QRFPR: variants seen among roughly 807,000 people sequenced by gnomAD.
QRFPR encodes the protein pyroglutamylated RFamide peptide receptor, also known as pyroglutamylated RF-amide peptide receptor.
In QRFPR, 37 loss-of-function variants were observed where a neutral mutation model predicts 31.3. That is an observed-to-expected ratio of 1.18 (90% CI 0.91 to 1.56). The LOEUF (loss-of-function observed/expected upper bound fraction) is 1.56. Ranked by LOEUF, QRFPR falls within the 40% of genes most tolerant of loss-of-function variation. QRFPR has a pLI of 0.00. For missense variants in QRFPR, 542 were observed against 532.5 expected (o/e 1.02, Z -0.18); for synonymous variants, 197 against 192.0 (o/e 1.03, Z -0.22).
chr4:121,342,057 TGAATCAGTAGAA>T (rs1725553324), intron 1 of QRFPR, among the ~76,000 whole-genome samples: 1 of 152,220 alleles, frequency 6.6e-6, no homozygotes, highest in African/African-American at 2.4e-5. Flanking sequence ...GATGAGCATT[TGAATCAGTAGAA>T]GACAGGAGAA....
intron 4 of QRFPR, among the ~76,000 whole-genome samples, chr4:121,330,838 C>T (rs150198252): frequency 8.5e-5 from 13 of 152,096 alleles, no homozygotes; most frequent in Admixed American, 7.2e-4. Context: ...AATTAATTTG[C>T]GAAGTTAGAT....
chr4:121,375,311 C>T (rs1726329508), intron 1 of QRFPR, among the ~76,000 whole-genome samples: 1 of 152,312 alleles, frequency 6.6e-6, no homozygotes, highest in Non-Finnish European at 1.5e-5. Context: ...AATACTTGCA[C>T]TGTGTGCTCT....
intron 1 of QRFPR, among the ~76,000 whole-genome samples, chr4:121,365,584 TATATA>T (rs1726102892): frequency 6.5e-4 from 2 of 3,064 alleles, no homozygotes; most frequent in Admixed American, 0.017. Flanking sequence ...ATATATATTA[TATATA>T]TTATATATAT....
rs530067132 is a variant in QRFPR at position 121,358,140 on chromosome 4, TA to T, written c.341-17531del. Reference sequence around the variant, plus strand: ...TTTTTAAAAAAGCAAAAATCTGGGTTAAAGTTGATTGTGAGATGACAAAAGA... The same window carrying T: ...TTTTTAAAAAAGCAAAAATCTGGGTTAAGTTGATTGTGAGATGACAAAAGA... On this transcript the variant is annotated intron_variant, in intron 1 of 5. Coordinates refer to ENST00000394427, the MANE Select transcript of QRFPR (RefSeq NM_198179.3). 4.4e-4 allele frequency among the ~76,000 whole-genome samples: 67 copies of T among 152,322 alleles called. No homozygotes were observed. In the East Asian group the frequency reaches 0.012, roughly 28 times the overall value.
chr4:121,357,493 T>C (rs902920435), intron 1 of QRFPR, among the ~76,000 whole-genome samples: 8 of 152,130 alleles, frequency 5.3e-5, no homozygotes, highest in African/African-American at 1.9e-4. Flanking sequence ...TAACTACCAG[T>C]TACATTTTCA....
In QRFPR at chr4:121,365,599, TATAATA is replaced by T. The variant is rs1332085668; in HGVS notation, c.340+14703_340+14708del. On this transcript the variant is annotated intron_variant, in intron 1 of 5. Coordinates refer to ENST00000394427, the MANE Select transcript of QRFPR (RefSeq NM_198179.3). ...ATATATATTATATATATTATATATA[TATAATA>T]TATATATTATATATATTATATATTA... Among the ~76,000 whole-genome samples the T allele has an allele frequency of 8.9e-3, 68 of 7,652 alleles. 2 individuals carry two copies. Among genetic ancestry groups the T allele is most frequent in the African/African-American group, 0.011 (18 of 1,632 alleles). The allele number at this position is 7,652 out of a possible 152,430, so 5.0% of individuals were successfully genotyped here. A position where few individuals can be genotyped will look rare whatever the true frequency, so the allele number is the denominator to read the frequency against.
At chr4:121,375,575 A>T (rs1054728056) in intron 1 of QRFPR, among the ~76,000 whole-genome samples, 2 of 152,240 alleles carry the variant, frequency 1.3e-5, no homozygotes, top group Admixed American at 1.3e-4. Flanking sequence ...CTGGTAATAT[A>T]TTCATGTGTA....
chr4:121,369,849 T>C, intron 1 of QRFPR: 1 of 950,208 alleles, frequency 1.1e-6, no homozygotes, highest in Non-Finnish European at 1.7e-6. Flanking sequence ...GCAGGTGGCC[T>C]CTCTTCTTTT....
chr4:121,350,989 T>C (rs1725751347), intron 1 of QRFPR, among the ~76,000 whole-genome samples: 1 of 152,228 alleles, frequency 6.6e-6, no homozygotes, highest in African/African-American at 2.4e-5. Flanking sequence ...TCCTTTATTC[T>C]TGGGCTTAAT....
intron 1 of QRFPR, among the ~76,000 whole-genome samples, chr4:121,376,786 C>G (rs1207848579): frequency 1.3e-5 from 2 of 152,182 alleles, no homozygotes; most frequent in East Asian, 3.9e-4. Flanking sequence ...AGGAGATTCT[C>G]TGTGTAGCCA....
chr4:121,331,182 T>G (rs1725316176), intron 4 of QRFPR, among the ~76,000 whole-genome samples: 2 of 136,240 alleles, frequency 1.5e-5, no homozygotes, highest in Non-Finnish European at 3.2e-5. Context: ...TGGGTTTTTT[T>G]TTTTTTTTTT....
chr4:121,377,947 G>A (rs1290547170), intron 1 of QRFPR, among the ~76,000 whole-genome samples: 1 of 152,006 alleles, frequency 6.6e-6, no homozygotes, highest in African/African-American at 2.4e-5. Flanking sequence ...CCTATAATGC[G>A]CAAGTTAATT....
intron 1 of QRFPR, among the ~76,000 whole-genome samples, chr4:121,367,838 T>C (rs1272962825): frequency 1.3e-5 from 2 of 149,582 alleles, no homozygotes. Context: ...GAGAAATTAA[T>C]ACCACAGTCA....
In QRFPR at chr4:121,336,867, A is replaced by T; in HGVS notation, c.501T>A (p.Gly167=). ...YTNRRAFTML[G]VVWLVAVIVG... ...CGATGACTGCCACCAGCCAGACCAC[A>T]CCTGTAAAAGTGTTAAAGTCATGAG... The change falls in exon 3 of 6, where the codon GGT becomes GGA. Residue 167 remains glycine, a splice_region_variant and synonymous_variant. Transcript: ENST00000394427. 6.2e-7 allele frequency: 1 copy of T among 1,613,988 alleles called. No homozygotes were observed. Among genetic ancestry groups the T allele is most frequent in the Admixed American group, 1.7e-5 (1 of 60,020 alleles).
At chr4:121,359,390 G>A (rs1725935013) in intron 1 of QRFPR, among the ~76,000 whole-genome samples, 1 of 152,088 alleles carries the variant, frequency 6.6e-6, no homozygotes, top group Non-Finnish European at 1.5e-5. Context: ...AATCTGGTGG[G>A]CACAATCTAA....
At chr4:121,330,658 T>C (rs181119874) in intron 4 of QRFPR, 135 bp from the exon 5 acceptor site, 16 of 636,222 alleles carry the variant, frequency 2.5e-5, no homozygotes, top group African/African-American at 2.0e-4. Context: ...AGGTTATTCG[T>C]GGGCTGATTA....
chr4:121,332,762 C>G, intron 4 of QRFPR, 59 bp downstream of exon 4: 1 of 1,323,458 alleles, frequency 7.6e-7, no homozygotes, highest in Non-Finnish European at 1.1e-6. Flanking sequence ...TGGCAACCAT[C>G]CCTTCCAGCA....
intron 1 of QRFPR, among the ~76,000 whole-genome samples, chr4:121,371,800 T>C (rs948344943): frequency 6.6e-6 from 1 of 152,240 alleles, no homozygotes; most frequent in Admixed American, 6.5e-5. Context: ...TCCAAGGGGC[T>C]TAGTGGCTAA....
chr4:121,344,061 C>T (rs532571312), intron 1 of QRFPR, among the ~76,000 whole-genome samples: 294 of 152,286 alleles, frequency 1.9e-3, no homozygotes, highest in African/African-American at 6.8e-3. Context: ...TAAATGGCAG[C>T]TCTTTCATCA....
Sources: allele counts gnomAD v4.1 joint callset (sites outside exome capture counted in the v4.1 genomes callset), GRCh38; gene constraint gnomAD v4.1.1; transcripts MANE v1.5; gene names NCBI Gene and HGNC (gene_info 2026-07-23, HGNC 2026-07-21).